DIAPH2: variants seen among roughly 807,000 people sequenced by gnomAD.
DIAPH2 encodes the protein diaphanous related formin 2.
Under a neutral mutation model 92.7 loss-of-function variants are expected in DIAPH2, and 35 were observed. That is an observed-to-expected ratio of 0.38 (90% CI 0.29 to 0.50). The LOEUF (loss-of-function observed/expected upper bound fraction) is 0.50, where lower values mean the gene tolerates loss of function less well. Ranked by LOEUF, DIAPH2 falls within the 20% of genes least tolerant of loss-of-function variation. DIAPH2 has a pLI of 0.94. For missense variants in DIAPH2, 701 were observed against 819.5 expected (o/e 0.86, Z 1.77); for synonymous variants, 301 against 280.4 (o/e 1.07, Z -0.73).
intron 4 of DIAPH2, among the ~76,000 whole-genome samples, chrX:96,867,166 T>C (rs1484904053): frequency 8.9e-6 from 1 of 111,898 alleles, no homozygotes; most frequent in Non-Finnish European, 1.9e-5. Context: ...CCCTACAAAG[T>C]CTATACGCTC....
intron 4 of DIAPH2, among the ~76,000 whole-genome samples, chrX:96,839,057 A>T (rs1230385183): frequency 8.9e-6 from 1 of 111,738 alleles, no homozygotes; most frequent in Non-Finnish European, 1.9e-5. Flanking sequence ...TCCACAATAC[A>T]TCTATATCAT....
intron 24 of DIAPH2, among the ~76,000 whole-genome samples, chrX:97,371,059 G>C (rs752853058): frequency 6.9e-4 from 77 of 112,001 alleles, no homozygotes; most frequent in Non-Finnish European, 9.4e-4. Context: ...ACATCTCTTA[G>C]AGTATTGTTT....
At chrX:97,066,248 C>T (rs997487732) in intron 17 of DIAPH2, among the ~76,000 whole-genome samples, 3 of 111,895 alleles carry the variant, frequency 2.7e-5, no homozygotes, top group African/African-American at 9.7e-5. Flanking sequence ...GTGCTGTATG[C>T]AGCTAAACCA....
chrX:96,983,058 A>G (rs1602688391), intron 17 of DIAPH2, among the ~76,000 whole-genome samples: 1 of 105,622 alleles, frequency 9.5e-6, no homozygotes, highest in South Asian at 3.9e-4. Flanking sequence ...CTTATATTCT[A>G]TGAAAGCAAT....
chrX:97,390,208 C>CTTTTTTTTT lies in DIAPH2; in HGVS notation c.3145+6185_3145+6193dup, dbSNP rs142044871. On this transcript the variant is annotated intron_variant, in intron 25 of 26. Coordinates refer to ENST00000324765, the MANE Select transcript of DIAPH2 (RefSeq NM_006729.5). The stretch of plus-strand genomic sequence containing the variant: ...GTTTATCTTTTTCCCTGCTTTCTGT[C>CTTTTTTTTT]TTTTTTTTTTTTTTTTTTTTTTTTT... Among the ~76,000 whole-genome samples, 45 of 33,187 alleles carry CTTTTTTTTT rather than the reference C, an allele frequency of 1.4e-3. 1 individual carries two copies. Among genetic ancestry groups the CTTTTTTTTT allele is most frequent in the South Asian group, 6.1e-3 (1 of 165 alleles). 28.8% of individuals were successfully genotyped at this position (33,187 alleles called of 115,157 possible).
In DIAPH2 at chrX:96,991,826, G is replaced by T. The variant is rs749952513; in HGVS notation, c.2050+26619G>T. On this transcript the variant is annotated intron_variant, in intron 17 of 26. Coordinates refer to ENST00000324765, the MANE Select transcript of DIAPH2 (RefSeq NM_006729.5). ...TGAACACATATATAACTAACAGTTT[G>T]TTTTCTCTGTCTCTAAGCTTGTGGG... 8.1e-4 allele frequency among the ~76,000 whole-genome samples: 90 copies of T among 111,003 alleles called. No homozygotes were observed. In the Middle Eastern group the frequency reaches 0.014, roughly 18 times the overall value.
intron 15 of DIAPH2, among the ~76,000 whole-genome samples, chrX:96,949,687 CAAAAAAAAAAA>C (rs1167294262): frequency 2.5e-5 from 1 of 40,334 alleles, no homozygotes; most frequent in African/African-American, 1.1e-4. Context: ...ACTAAAAATA[CAAAAAAAAAAA>C]AAAAAAAAAA....
intron 24 of DIAPH2, among the ~76,000 whole-genome samples, chrX:97,356,756 A>T (rs2069271371): frequency 9.0e-6 from 1 of 111,363 alleles, no homozygotes; most frequent in Admixed American, 9.6e-5. Flanking sequence ...GTAATAAGGG[A>T]AGACATGGTT....
At chrX:97,546,562 G>T (rs1480490082) in intron 26 of DIAPH2, among the ~76,000 whole-genome samples, 1 of 111,843 alleles carries the variant, frequency 8.9e-6, no homozygotes, top group Non-Finnish European at 1.9e-5. Context: ...TTCGCTGGGA[G>T]TGGCAGCTCA....
rs2069976949 is a variant in DIAPH2, at chrX:97,418,862, C to CAG, written c.3146-10786_3146-10785dup. Among the ~76,000 whole-genome samples the CAG allele has an allele frequency of 2.7e-5, 3 of 111,748 alleles. No individual in the cohort carries two copies. In the South Asian group the frequency reaches 1.1e-3, roughly 42 times the overall value. On this transcript the variant is annotated intron_variant, in intron 25 of 26. Transcript: ENST00000324765. The stretch of plus-strand genomic sequence containing the variant: ...CTTTATGGGCTCTAAAATGTAAATT[C>CAG]AGAAAGAAATGAATGTGTAATTGTT...
intron 17 of DIAPH2, among the ~76,000 whole-genome samples, chrX:97,049,651 A>G (rs1452778543): frequency 9.0e-6 from 1 of 111,385 alleles, no homozygotes; most frequent in East Asian, 2.8e-4. Flanking sequence ...AATGAATTGA[A>G]TAATTCAAAA....
intron 5 of DIAPH2, among the ~76,000 whole-genome samples, chrX:96,901,109 AT>A (rs924813520): frequency 9.1e-6 from 1 of 109,494 alleles, no homozygotes; most frequent in East Asian, 2.9e-4. Context: ...CTTGTTGACA[AT>A]TTTTTTTTAT....
chrX:97,593,065 C>T (rs907940808), intron 26 of DIAPH2, among the ~76,000 whole-genome samples: 3 of 111,467 alleles, frequency 2.7e-5, no homozygotes, highest in Non-Finnish European at 5.7e-5. Flanking sequence ...TAGACGAGTA[C>T]CCATTGGGTT....
chrX:97,371,566 C>A (rs1200640371), intron 24 of DIAPH2, among the ~76,000 whole-genome samples: 1 of 111,378 alleles, frequency 9.0e-6, no homozygotes, highest in Non-Finnish European at 1.9e-5. Flanking sequence ...GATCATGGAA[C>A]CCTATCCACA....
intron 24 of DIAPH2, among the ~76,000 whole-genome samples, chrX:97,368,646 C>T (rs1476980827): frequency 9.0e-6 from 1 of 111,049 alleles, no homozygotes; most frequent in Non-Finnish European, 1.9e-5. Flanking sequence ...GTCGTTCATC[C>T]CATAAATTAA....
At chrX:97,557,270 G>T (rs746394527) in intron 26 of DIAPH2, among the ~76,000 whole-genome samples, 1 of 111,468 alleles carries the variant, frequency 9.0e-6, no homozygotes, top group South Asian at 3.8e-4. Flanking sequence ...CAGGCACGGT[G>T]GCTCACACCT....
At chrX:96,949,687 C>CAAAAAAAAAAAA (rs1167294262) in intron 15 of DIAPH2, among the ~76,000 whole-genome samples, 8 of 40,293 alleles carry the variant, frequency 2.0e-4, no homozygotes, top group Non-Finnish European at 2.6e-4. Context: ...ACTAAAAATA[C>CAAAAAAAAAAAA]AAAAAAAAAA....
At chrX:97,260,093 A>G (rs2068277093) in intron 23 of DIAPH2, among the ~76,000 whole-genome samples, 1 of 112,442 alleles carries the variant, frequency 8.9e-6, no homozygotes, top group African/African-American at 3.2e-5. Flanking sequence ...GCCTCCCAAA[A>G]TGCTGGGATT....
chrX:97,016,597 T>TC (rs1392093012), intron 17 of DIAPH2, among the ~76,000 whole-genome samples: 1 of 111,642 alleles, frequency 9.0e-6, no homozygotes, highest in Non-Finnish European at 1.9e-5. Context: ...AGTCCTTTTT[T>TC]CCCCCCTTAA....
Sources: allele counts gnomAD v4.1 joint callset (sites outside exome capture counted in the v4.1 genomes callset), GRCh38; gene constraint gnomAD v4.1.1; transcripts MANE v1.5; gene names NCBI Gene and HGNC (gene_info 2026-07-23, HGNC 2026-07-21).